MTF2: variants seen among roughly 807,000 people sequenced by gnomAD.
The protein encoded by MTF2 is metal response element binding transcription factor 2.
In MTF2, 11 loss-of-function variants were observed where a neutral mutation model predicts 79.5. That is an observed-to-expected ratio of 0.14 (90% CI 0.09 to 0.23). The LOEUF (loss-of-function observed/expected upper bound fraction) is 0.23, where lower values mean the gene tolerates loss of function less well. MTF2 is among the 10% of genes least tolerant of loss of function. The pLI is 1.00. For synonymous variants in MTF2, 208 were observed against 232.8 expected, an observed-to-expected ratio of 0.89 and a Z score of 0.97; for missense variants, 486 against 711.2, an observed-to-expected ratio of 0.68 and a Z score of 3.60.
intron 1 of MTF2, among the ~76,000 whole-genome samples, chr1:93,092,910 C>T (rs376497000): frequency 3.3e-5 from 5 of 152,186 alleles, no homozygotes; most frequent in Middle Eastern, 3.4e-3. Context: ...AGGCCGGGTG[C>T]GATGGCTCAC....
In MTF2 at chr1:93,100,567, A is replaced by G. The variant is rs371474977; in HGVS notation, c.6-9663A>G. ...CATGATCTGCCCGCCTCGGCCTCCC[A>G]AAGTGCTGGGATTACAGCCGTGAGC... is the stretch of plus-strand genomic sequence containing the variant. On this transcript the variant is annotated intron_variant, in intron 1 of 14. Transcript: ENST00000370298. Among the ~76,000 whole-genome samples the G allele has an allele frequency of 2.6e-5, 4 of 152,260 alleles. No homozygotes were observed. In the East Asian group the frequency reaches 5.8e-4, roughly 22 times the overall value.
chr1:93,098,850 A>G (rs764251850), intron 1 of MTF2, among the ~76,000 whole-genome samples: 2 of 152,222 alleles, frequency 1.3e-5, no homozygotes, highest in African/African-American at 2.4e-5. Flanking sequence ...TTGTTCTCCA[A>G]TGAATGTGTT....
intron 1 of MTF2, among the ~76,000 whole-genome samples, chr1:93,089,293 A>G (rs901476917): frequency 6.6e-6 from 1 of 152,216 alleles, no homozygotes; most frequent in African/African-American, 2.4e-5. Flanking sequence ...CTGTAATAGA[A>G]TATGTGCTTT....
In MTF2 at chr1:93,119,366, T is replaced by C. The variant is rs1196730333; in HGVS notation, c.762T>C (p.Ser254=). ...CGTTTATATGCTCTGTCTGCAGTTC[T>C]GGACCAGAATACCTCAAACGTCTAC... is the stretch of plus-strand genomic sequence containing the variant. The part of the protein sequence containing the change: ...FYTFICSVCS[S]GPEYLKRLPL... Residue 254 remains serine (S), a synonymous_variant, in exon 8 of 15, where the codon TCT becomes TCC. Transcript: ENST00000370298. The C allele has an allele frequency of 6.2e-7, 1 of 1,606,718 alleles. No individual in the cohort carries two copies. The highest frequency in any genetic ancestry group is 8.5e-7 in the Non-Finnish European group (1 of 1,177,276).
At chr1:93,108,014 T>G (rs1036365173) in intron 1 of MTF2, among the ~76,000 whole-genome samples, 8 of 152,136 alleles carry the variant, frequency 5.3e-5, no homozygotes, top group Admixed American at 3.3e-4. Context: ...GAATTCGGGG[T>G]CCTCCTGCCT....
chr1:93,109,996 G>A (rs1655965399), intron 1 of MTF2, among the ~76,000 whole-genome samples: 1 of 152,208 alleles, frequency 6.6e-6, no homozygotes, highest in Non-Finnish European at 1.5e-5. Flanking sequence ...ATCTTGGAGT[G>A]TTTGCTGAGT....
chr1:93,120,442 C>G (rs975386019), intron 8 of MTF2, 107 bp from the exon 9 acceptor site: 2 of 1,047,922 alleles, frequency 1.9e-6, no homozygotes, highest in Admixed American at 3.4e-5. Context: ...GACTATCCAC[C>G]TAAATATTTC....
chr1:93,134,834 T>TAA (rs11285300), intron 14 of MTF2, among the ~76,000 whole-genome samples: 1 of 144,020 alleles, frequency 6.9e-6, no homozygotes, highest in East Asian at 2.0e-4. Context: ...AAGATTTGAT[T>TAA]AAAAAAAAAA....
chr1:93,108,060 C>T (rs764284256), intron 1 of MTF2, among the ~76,000 whole-genome samples: 3 of 152,240 alleles, frequency 2.0e-5, no homozygotes, highest in Non-Finnish European at 4.4e-5. Flanking sequence ...AGGCGTCAGC[C>T]ATGCTGCACC....
At chr1:93,114,656 C>T in intron 3 of MTF2, 32 bp from the exon 4 acceptor site, 2 of 1,533,684 alleles carry the variant, frequency 1.3e-6, no homozygotes, top group Non-Finnish European at 1.8e-6. Context: ...TTTTTTATGA[C>T]TCTCTTTTTT....
chr1:93,114,289 G>A (rs1250695954), intron 3 of MTF2, among the ~76,000 whole-genome samples: 2 of 152,180 alleles, frequency 1.3e-5, no homozygotes, highest in South Asian at 2.1e-4. Flanking sequence ...TATTAGTGGT[G>A]TAGGATAAGT....
chr1:93,101,098 T>C (rs1234428207), intron 1 of MTF2, among the ~76,000 whole-genome samples: 1 of 152,210 alleles, frequency 6.6e-6, no homozygotes, highest in East Asian at 1.9e-4. Context: ...TTGGGAAGAA[T>C]TAATCCATTT....
Position 93,119,313 on chromosome 1 carries a change from C to CTTTTTTTTTTTTTTT in MTF2, c.729-6_729-5insTTTTTTTTTTTTTTT. 4 of 1,295,020 alleles carry CTTTTTTTTTTTTTTT rather than the reference C, an allele frequency of 3.1e-6. No homozygotes were observed. 80.2% of individuals were successfully genotyped at this position (1,295,020 alleles called of 1,614,324 possible). A position where few individuals can be genotyped will look rare whatever the true frequency, so the allele number is the denominator to read the frequency against. On this transcript the variant is annotated intron_variant, in intron 7 of 14. Transcript: ENST00000370298. ...CTGATGACTCAGTATAAAACTTTTT[C>CTTTTTTTTTTTTTTT]TTTTTTTTTTTTTTCTTAGATTTTA...
intron 3 of MTF2, among the ~76,000 whole-genome samples, chr1:93,113,007 C>G (rs1656092135): frequency 6.6e-6 from 1 of 152,112 alleles, no homozygotes; most frequent in African/African-American, 2.4e-5. Flanking sequence ...ACAGAGAGTT[C>G]CCAGGCTTAA....
intron 3 of MTF2, among the ~76,000 whole-genome samples, chr1:93,113,125 A>G (rs1211486674): frequency 1.3e-5 from 2 of 151,936 alleles, no homozygotes; most frequent in Admixed American, 6.6e-5. Context: ...TATGTCTGCA[A>G]TCCCAGTGCT....
In MTF2 at chr1:93,118,498, T is replaced by C. The variant is rs530378964; in HGVS notation, c.728+58T>C. On this transcript the variant is annotated intron_variant, in intron 7 of 14. Transcript: ENST00000370298. ...TTTTGTCACTTTTTAATTGTGGTTATATTTGTGATTTCAGATTTCCTAAAG... is the reference window on the plus strand; with the variant it reads ...TTTTGTCACTTTTTAATTGTGGTTACATTTGTGATTTCAGATTTCCTAAAG... 7.9e-5 allele frequency: 97 copies of C among 1,225,946 alleles called. 1 individual carries two copies. The South Asian group carries it at 1.0e-3, about 13-fold the overall frequency. 75.9% of individuals were successfully genotyped at this position (1,225,946 alleles called of 1,614,324 possible).
At chr1:93,100,163 A>G (rs1655466531) in intron 1 of MTF2, among the ~76,000 whole-genome samples, 1 of 152,230 alleles carries the variant, frequency 6.6e-6, no homozygotes, top group Admixed American at 6.5e-5. Flanking sequence ...AAGAGTTAAA[A>G]AAAACCCACT....
chr1:93,120,453 T>C, intron 8 of MTF2, 96 bp from the exon 9 acceptor site: 5 of 1,173,208 alleles, frequency 4.3e-6, no homozygotes, highest in Non-Finnish European at 5.8e-6. Flanking sequence ...TAAATATTTC[T>C]CTTTGCATTT....
At chr1:93,134,018 T>C (rs1177097783) in intron 13 of MTF2, 38 bp downstream of exon 13, 1 of 1,552,860 alleles carries the variant, frequency 6.4e-7, no homozygotes, top group Admixed American at 1.8e-5. Flanking sequence ...CTAGGTTTTG[T>C]CTTTTGAGTA....
Sources: allele counts gnomAD v4.1 joint callset (sites outside exome capture counted in the v4.1 genomes callset), GRCh38; gene constraint gnomAD v4.1.1; transcripts MANE v1.5; gene names NCBI Gene and HGNC (gene_info 2026-07-23, HGNC 2026-07-21).